The following TMEM63C variants were observed in gnomAD, a reference collection of about 807,000 sequenced individuals.
TMEM63C encodes osmosensitive cation channel TMEM63C.
A neutral mutation model predicts 99.2 loss-of-function variants in TMEM63C; 32 were observed. The observed-to-expected ratio is 0.32, with a 90% CI of 0.24 to 0.43. The LOEUF (loss-of-function observed/expected upper bound fraction) is 0.43. TMEM63C is among the 20% of genes least tolerant of loss of function. The pLI is 1.00. For missense variants in TMEM63C, 826 were observed against 1,053.0 expected (o/e 0.78, Z 2.98); for synonymous variants, 376 against 397.9 (o/e 0.94, Z 0.66).
At chr14:77,239,281 T>A in intron 10 of TMEM63C, 131 bp from the exon 11 acceptor site, 1 of 827,498 alleles carries the variant, frequency 1.2e-6, no homozygotes, top group South Asian at 1.6e-5. Flanking sequence ...GGAGCAGAGA[T>A]GGAGTATCCC....
At chr14:77,182,391 C>T (rs563355118) in intron 1 of TMEM63C, among the ~76,000 whole-genome samples, 3 of 152,302 alleles carry the variant, frequency 2.0e-5, no homozygotes, top group African/African-American at 7.2e-5. Flanking sequence ...CTCCTGGGCC[C>T]CCAGGGGAAC....
chr14:77,201,446 C>G lies in TMEM63C; in HGVS notation c.-76-12000C>G, dbSNP rs150366309. ...CCTTTTCCAGGGCCTATCCTGAAAA[C>G]ACGAGGCTGCCCACACCAAAGTCTG... On this transcript the variant is annotated intron_variant, in intron 1 of 23. Transcript: ENST00000298351. 9.8e-5 allele frequency among the ~76,000 whole-genome samples: 15 copies of G among 152,304 alleles called. No homozygotes were observed. In the East Asian group the frequency reaches 2.9e-3, roughly 29 times the overall value.
chr14:77,212,260 G>C (rs1158239075), intron 1 of TMEM63C: 2 of 152,218 alleles, frequency 1.3e-5, no homozygotes, highest in African/African-American at 4.8e-5. Flanking sequence ...CCAGATATGG[G>C]AACTGAGGCT....
chr14:77,196,176 T>G (rs771628320), intron 1 of TMEM63C: 1 of 152,494 alleles, frequency 6.6e-6, no homozygotes, highest in Non-Finnish European at 1.5e-5. Flanking sequence ...GAAGGTCCTA[T>G]TACAGCCCAG....
chr14:77,211,887 C>A (rs1888502602), intron 1 of TMEM63C, among the ~76,000 whole-genome samples: 1 of 152,232 alleles, frequency 6.6e-6, no homozygotes, highest in Non-Finnish European at 1.5e-5. Context: ...GAATTCACAT[C>A]ATCTCCCACT....
intron 6 of TMEM63C, among the ~76,000 whole-genome samples, chr14:77,226,036 C>G (rs141251396): frequency 6.6e-6 from 1 of 152,182 alleles, no homozygotes; most frequent in African/African-American, 2.4e-5. Context: ...TCCCCAACAC[C>G]AGCCAGACGC....
Position 77,256,715 on chromosome 14 carries a change from C to A in TMEM63C, c.2410C>A (p.Gln804Lys). ...AGGGCTGGAACTGGAGGGCCAGAAC[C>A]AGTACCACTGACCGGGACCTGAGGC... ...QEGLELEGQN[Q>K]YH is the part of the protein sequence containing the mutation. Residue 804 changes from glutamine to lysine, a missense_variant, in exon 24 of 24, where the codon CAG (glutamine) becomes AAG (lysine). Physicochemically the swap from Gln to Lys is moderately conservative, Grantham distance 53. Coordinates refer to ENST00000298351, the MANE Select transcript of TMEM63C (RefSeq NM_020431.4). The A allele has an allele frequency of 6.2e-7, 1 of 1,613,830 alleles. No individual in the cohort carries two copies. The highest frequency in any genetic ancestry group is 8.5e-7 in the Non-Finnish European group (1 of 1,179,798).
intron 1 of TMEM63C, among the ~76,000 whole-genome samples, chr14:77,209,038 G>A (rs1488739003): frequency 2.0e-5 from 3 of 152,148 alleles, no homozygotes; most frequent in Non-Finnish European, 4.4e-5. Context: ...GGGACCTCTC[G>A]GGGAAGGCTG....
chr14:77,208,385 C>A (rs1888441322), intron 1 of TMEM63C, among the ~76,000 whole-genome samples: 1 of 152,150 alleles, frequency 6.6e-6, no homozygotes, highest in African/African-American at 2.4e-5. Flanking sequence ...CCTCTCACAC[C>A]ACCCCCTCCC....
At position 77,218,257 on chromosome 14, in the gene TMEM63C, G is replaced by C. The variant is rs190163664; in HGVS notation, c.-13-544G>C. On this transcript the variant is annotated intron_variant, in intron 2 of 23. Transcript: ENST00000298351. ...AAAAAAAAAGAGGGGGGTGTTTCTT[G>C]AGTCACTGCACATGCCAGGCACTGC... is the stretch of plus-strand genomic sequence containing the variant. Among the ~76,000 whole-genome samples the C allele has an allele frequency of 1.1e-4, 16 of 145,474 alleles. No homozygotes were observed. In the East Asian group the frequency reaches 2.9e-3, roughly 26 times the overall value.
chr14:77,236,414 A>C (rs1192881728), intron 8 of TMEM63C, among the ~76,000 whole-genome samples: 1 of 23,412 alleles, frequency 4.3e-5, no homozygotes, highest in Non-Finnish European at 7.9e-5. Flanking sequence ...TGGTAGGGGG[A>C]GTCTAGGGAG....
chr14:77,219,960 A>T (rs2287377), intron 4 of TMEM63C, 46 bp from the exon 5 acceptor site: 3 of 1,536,794 alleles, frequency 2.0e-6, no homozygotes, highest in East Asian at 4.9e-5. Flanking sequence ...GCAGCTGAGA[A>T]CTTTTCTCTC....
intron 20 of TMEM63C, 150 bp from the exon 21 acceptor site, chr14:77,249,141 G>T: frequency 1.2e-6 from 1 of 807,614 alleles, no homozygotes; most frequent in Non-Finnish European, 2.0e-6. Context: ...TGGCTCCGGA[G>T]GTCAGTACCA....
At position 77,242,369 on chromosome 14, in the gene TMEM63C, G is replaced by C. The variant is rs1246599836; in HGVS notation, c.1087G>C (p.Val363Leu). The C allele has an allele frequency of 3.2e-6, 5 of 1,573,602 alleles. No individual in the cohort carries two copies. The highest frequency in any genetic ancestry group is 4.3e-6 in the Non-Finnish European group (5 of 1,155,356). The change falls in exon 14 of 24, where the codon GTC (valine) becomes CTC (leucine). Residue 363 changes from valine (V) to leucine (L), a missense_variant. Transcript: ENST00000298351. Reference sequence around the variant, plus strand: ...CAGTGTCCGTAAGGATTACAAGTATGTCCAGTGTGGTGTGCAACCCCAGCA... The same window carrying C: ...CAGTGTCCGTAAGGATTACAAGTATCTCCAGTGTGGTGTGCAACCCCAGCA... Reference protein sequence around the residue: ...AKRVRKDYKYVQCGVQPQQSS... With the variant: ...AKRVRKDYKYLQCGVQPQQSS...
At chr14:77,193,969 C>T (rs1483220687) in intron 1 of TMEM63C, among the ~76,000 whole-genome samples, 1 of 152,112 alleles carries the variant, frequency 6.6e-6, no homozygotes, top group Non-Finnish European at 1.5e-5. Context: ...CACTGCACTC[C>T]AGCCTGGGCA....
At chr14:77,234,581 A>T (rs749725298) in intron 8 of TMEM63C, among the ~76,000 whole-genome samples, 2 of 152,190 alleles carry the variant, frequency 1.3e-5, no homozygotes, top group Non-Finnish European at 2.9e-5. Context: ...CTGAGGGTGG[A>T]GCAGCATGGT....
chr14:77,242,234 AG>A (rs1889189565), intron 13 of TMEM63C, 112 bp from the exon 14 acceptor site: 3 of 1,185,684 alleles, frequency 2.5e-6, no homozygotes, highest in Non-Finnish European at 3.6e-6. Flanking sequence ...GAAGGGGATG[AG>A]CCCCCATCTG....
chr14:77,199,030 A>G lies in TMEM63C; in HGVS notation c.-76-14416A>G, dbSNP rs1036681977. ...TCAAATGGGGCAGATAATGAACAGC[A>G]TATTATGGATGATGTATGTTAGAAG... On this transcript the variant is annotated intron_variant, in intron 1 of 23. Transcript: ENST00000298351. Among the ~76,000 whole-genome samples the G allele has an allele frequency of 3.0e-4, 45 of 152,208 alleles. 1 individual carries two copies. The highest frequency in any genetic ancestry group is 1.1e-3 in the African/African-American group (45 of 41,460).
chr14:77,223,051 G>A (rs1424910902), intron 5 of TMEM63C, among the ~76,000 whole-genome samples: 2 of 152,060 alleles, frequency 1.3e-5, no homozygotes, highest in Non-Finnish European at 2.9e-5. Context: ...CTCGAGAGGC[G>A]GGGTCCTTCA....
Sources: allele counts gnomAD v4.1 joint callset (sites outside exome capture counted in the v4.1 genomes callset), GRCh38; gene constraint gnomAD v4.1.1; transcripts MANE v1.5; gene names NCBI Gene and HGNC (gene_info 2026-07-23, HGNC 2026-07-21).